Variants in NALF1 observed in about 807,000 individuals in gnomAD.
The protein encoded by NALF1 is NALCN channel auxiliary factor 1, also known as family with sequence similarity 155 member A.
A neutral mutation model predicts 48.4 loss-of-function variants in NALF1; 3 were observed. The ratio of observed to expected loss-of-function variants is 0.06; its 90% CI spans 0.03 to 0.16. The LOEUF (loss-of-function observed/expected upper bound fraction) is 0.16. Among genes scored for constraint, NALF1 ranks in the 10% least tolerant of loss-of-function variants. NALF1 has a pLI of 1.00. For missense variants in NALF1, 526 were observed against 571.5 expected (o/e 0.92, Z 0.81); for synonymous variants, 262 against 245.7 (o/e 1.07, Z -0.62).
intron 1 of NALF1, among the ~76,000 whole-genome samples, chr13:107,715,900 C>A (rs1284454032): frequency 6.6e-6 from 1 of 152,120 alleles, no homozygotes; most frequent in Non-Finnish European, 1.5e-5. Flanking sequence ...GGATAGAATT[C>A]TTTCCTTATA....
chr13:107,804,558 T>C (rs769796953), intron 1 of NALF1, among the ~76,000 whole-genome samples: 80 of 152,286 alleles, frequency 5.3e-4, no homozygotes, highest in Non-Finnish European at 6.9e-4. Flanking sequence ...CTCCATCCTG[T>C]GGCACTCCTC....
chr13:107,659,675 A>G (rs1411295053), intron 1 of NALF1, among the ~76,000 whole-genome samples: 1 of 151,810 alleles, frequency 6.6e-6, no homozygotes, highest in Non-Finnish European at 1.5e-5. Context: ...AAAATCAATA[A>G]TATATACTTT....
intron 1 of NALF1, among the ~76,000 whole-genome samples, chr13:107,298,066 T>C (rs1010425256): frequency 6.6e-6 from 1 of 151,956 alleles, no homozygotes; most frequent in African/African-American, 2.4e-5. Flanking sequence ...ATTTAATAGA[T>C]CAGGCTTTTA....
intron 1 of NALF1, among the ~76,000 whole-genome samples, chr13:107,720,883 C>T (rs1875963335): frequency 6.6e-6 from 1 of 152,126 alleles, no homozygotes. Flanking sequence ...GCATTTTTAT[C>T]CATGCTGGCA....
At chr13:107,542,595 C>A (rs1877027424) in intron 1 of NALF1, among the ~76,000 whole-genome samples, 1 of 152,054 alleles carries the variant, frequency 6.6e-6, no homozygotes, top group Admixed American at 6.6e-5. Context: ...ATATCAGTAT[C>A]TCCACTCAAT....
intron 1 of NALF1, among the ~76,000 whole-genome samples, chr13:107,375,003 T>TA (rs1374170086): frequency 6.6e-6 from 1 of 152,180 alleles, no homozygotes; most frequent in East Asian, 1.9e-4. Flanking sequence ...TCCACTGGTT[T>TA]AAAAAATTAA....
intron 1 of NALF1, among the ~76,000 whole-genome samples, chr13:107,213,031 C>T (rs1879794017): frequency 6.6e-6 from 1 of 152,000 alleles, no homozygotes. Context: ...GGAATCGCAT[C>T]CTGCAGCCAT....
chr13:107,334,133 T>G (rs1882515416), intron 1 of NALF1, among the ~76,000 whole-genome samples: 2 of 152,312 alleles, frequency 1.3e-5, no homozygotes, highest in South Asian at 4.1e-4. Flanking sequence ...TCAGTTGCTG[T>G]GATGGCAGAT....
chr13:107,592,870 T>C (rs562820778), intron 1 of NALF1, among the ~76,000 whole-genome samples: 1 of 152,050 alleles, frequency 6.6e-6, no homozygotes, highest in African/African-American at 2.4e-5. Flanking sequence ...TCATCTGTTC[T>C]TTCTGGCATC....
intron 1 of NALF1, among the ~76,000 whole-genome samples, chr13:107,520,528 G>A (rs1458535815): frequency 6.6e-6 from 1 of 152,204 alleles, no homozygotes; most frequent in Admixed American, 6.5e-5. Flanking sequence ...CATAAGGTAG[G>A]ATTAATTGTG....
Position 107,866,367 on chromosome 13 carries a change from CGCTGCTGCT to C in NALF1, c.221_229del (p.Gln74_Gln76del), listed in dbSNP as rs3832903. 7.0e-6 allele frequency: 11 copies of C among 1,573,066 alleles called. No individual in the cohort carries two copies. In the South Asian group the frequency reaches 9.9e-5, roughly 14 times the overall value. On this transcript the variant is annotated inframe_deletion, in exon 1 of 3. Coordinates refer to ENST00000375915, the MANE Select transcript of NALF1 (RefSeq NM_001080396.3). The surrounding 1 kb of genome is among the most constrained non-coding windows in gnomAD (Gnocchi z 4.4). ...CTGCTGCTGCTGCTGCTGCTGCTGC[CGCTGCTGCT>C]GCTGGTGCTCCTTGTCCCGGGCCCG...
intron 1 of NALF1, among the ~76,000 whole-genome samples, chr13:107,679,110 T>G (rs1313155812): frequency 6.6e-6 from 1 of 152,192 alleles, no homozygotes; most frequent in African/African-American, 2.4e-5. Context: ...GGCCCATATA[T>G]TTTGTGTAAT....
intron 1 of NALF1, among the ~76,000 whole-genome samples, chr13:107,641,753 A>C (rs547492567): frequency 6.6e-6 from 1 of 152,250 alleles, no homozygotes; most frequent in South Asian, 2.1e-4. Context: ...CAGGCCTCAC[A>C]ACCTGAACCG....
intron 1 of NALF1, among the ~76,000 whole-genome samples, chr13:107,623,962 T>G (rs1879600198): frequency 6.6e-6 from 1 of 152,122 alleles, no homozygotes; most frequent in African/African-American, 2.4e-5. Flanking sequence ...GTATAATATG[T>G]CAAAACATAA....
chr13:107,733,724 A>G (rs1876381854), intron 1 of NALF1, among the ~76,000 whole-genome samples: 1 of 152,206 alleles, frequency 6.6e-6, no homozygotes, highest in South Asian at 2.1e-4. Flanking sequence ...AAAAGCCACT[A>G]GAGTCATTAG....
intron 1 of NALF1, among the ~76,000 whole-genome samples, chr13:107,337,098 T>C (rs544924639): frequency 1.6e-4 from 24 of 146,794 alleles, no homozygotes; most frequent in Admixed American, 7.4e-4. Context: ...AAAGAGACTC[T>C]TTAGGCCACA....
intron 1 of NALF1, among the ~76,000 whole-genome samples, chr13:107,327,793 A>C: frequency 6.6e-6 from 1 of 152,178 alleles, no homozygotes; most frequent in East Asian, 1.9e-4. Flanking sequence ...ATCAGATATT[A>C]AAGGTATCCT....
intron 1 of NALF1, among the ~76,000 whole-genome samples, chr13:107,760,897 C>G (rs772800278): frequency 6.6e-6 from 1 of 151,888 alleles, no homozygotes; most frequent in Non-Finnish European, 1.5e-5. Context: ...TGAAGGGAGC[C>G]GAAAGAGAAG....
At chr13:107,722,859 T>C (rs940124236) in intron 1 of NALF1, among the ~76,000 whole-genome samples, 1 of 152,148 alleles carries the variant, frequency 6.6e-6, no homozygotes, top group African/African-American at 2.4e-5. Flanking sequence ...GCGCGCACCT[T>C]CCCTCTCACC....
Sources: gnomAD v4.1 joint callset for allele counts (sites outside exome capture counted in the v4.1 genomes callset) on GRCh38, gnomAD v4.1.1 for gene constraint, Gnocchi (gnomAD v3.1) non-coding constraint, MANE v1.5 for transcripts, NCBI Gene and HGNC (gene_info 2026-07-23, HGNC 2026-07-21) for gene names.